Variants in DNAI7 observed in about 807,000 individuals in gnomAD.
The protein encoded by DNAI7 is cancer susceptibility 1.
Under a neutral mutation model 86.6 loss-of-function variants are expected in DNAI7, and 78 were observed. The ratio of observed to expected loss-of-function variants is 0.90; its 90% CI spans 0.75 to 1.09. The LOEUF (loss-of-function observed/expected upper bound fraction) is 1.09, where lower values mean the gene tolerates loss of function less well. Ranked by LOEUF, DNAI7 falls within the 50% of genes least tolerant of loss-of-function variation. DNAI7 has a pLI of 0.00. For missense variants in DNAI7, 753 were observed against 810.2 expected (o/e 0.93, Z 0.86); for synonymous variants, 274 against 273.0 (o/e 1.00, Z -0.04).
chr12:25,183,271 T>C (rs1157556474), intron 2 of DNAI7, among the ~76,000 whole-genome samples: 1 of 151,882 alleles, frequency 6.6e-6, no homozygotes, highest in Non-Finnish European at 1.5e-5. Context: ...AAACTACGTA[T>C]TGGGACTAAG....
chr12:25,108,086 C>A, downstream of DNAI7: 1 of 1,601,042 alleles, frequency 6.2e-7, no homozygotes, highest in East Asian at 2.2e-5. Context: ...ATATATGGAT[C>A]TTGATTTTTA....
At chr12:25,185,643 A>G in intron 2 of DNAI7, 1,818 of 198,676 alleles carry the variant, frequency 9.2e-3, no homozygotes, top group Non-Finnish European at 0.015. Context: ...AATTGATTTA[A>G]TTCCCTCATA....
At position 25,111,870 on chromosome 12, in the gene DNAI7, A is replaced by C; in HGVS notation, c.1681T>G (p.Trp561Gly). ...ATAATGAAAGGAATAGGAGTCATCC[A>C]GGTTCCTTCCAAAATAGAGATGTGT... ...KKHISILEGT[W>G]MTPIPFIIAL... Residue 561 changes from tryptophan (W) to glycine (G), a missense_variant, in exon 14 of 16, where the codon TGG becomes GGG. Trp to Gly is a radical substitution (Grantham distance 184). Transcript: ENST00000395987. The C allele has an allele frequency of 1.2e-6, 2 of 1,607,128 alleles. No homozygotes were observed. Among genetic ancestry groups the C allele is most frequent in the Admixed American group, 3.4e-5 (2 of 59,352 alleles).
Position 25,154,354 on chromosome 12 carries a change from C to G in DNAI7, c.403G>C (p.Glu135Gln), listed in dbSNP as rs1167758064. The G allele has an allele frequency of 3.7e-6, 6 of 1,610,750 alleles. No individual in the cohort carries two copies. The South Asian group carries it at 6.7e-5, about 18-fold the overall frequency. ...LWKEKTNETF[E>Q]EVIEKSKVVL... ...ACTTTACTCTTCTCAATCACTTCCT[C>G]AAAAGTCTCATTTGTTTTCTCTTTC... Residue 135 changes from glutamate to glutamine, a missense_variant, in exon 6 of 16, where the codon GAG becomes CAG. Coordinates refer to ENST00000395987, the MANE Select transcript of DNAI7 (RefSeq NM_018272.5).
intron 11 of DNAI7, among the ~76,000 whole-genome samples, chr12:25,121,098 A>G (rs991718618): frequency 6.6e-6 from 1 of 152,218 alleles, no homozygotes; most frequent in Admixed American, 6.5e-5. Context: ...TATTTTTCCA[A>G]AACAGATTGT....
At chr12:25,123,024 AAG>A (rs762342994) in intron 10 of DNAI7, among the ~76,000 whole-genome samples, 185 bp downstream of exon 10, 12 of 152,222 alleles carry the variant, frequency 7.9e-5, no homozygotes, top group Non-Finnish European at 1.6e-4. Context: ...ATTAGAAATT[AAG>A]AGAGACAGGG....
In DNAI7 at chr12:25,119,118, T is replaced by C. The variant is rs768836645; in HGVS notation, c.1396+27A>G. 4 of 1,560,584 alleles carry C rather than the reference T, an allele frequency of 2.6e-6. No homozygotes were observed. In the East Asian group the frequency reaches 9.0e-5, roughly 35 times the overall value. On this transcript the variant is annotated intron_variant, in intron 12 of 15. Transcript: ENST00000395987. The stretch of plus-strand genomic sequence containing the variant: ...AAGGGTTTTTATGATTATCCCTCCT[T>C]TTATTACATAATTATAAAAGCTGTA...
intron 9 of DNAI7, among the ~76,000 whole-genome samples, chr12:25,142,367 G>T (rs1296005071): frequency 1.3e-5 from 2 of 152,178 alleles, no homozygotes; most frequent in East Asian, 3.9e-4. Flanking sequence ...GGGGGATGAG[G>T]GATAAAAGAC....
intron 9 of DNAI7, among the ~76,000 whole-genome samples, chr12:25,131,382 G>A (rs1942904426): frequency 6.6e-6 from 1 of 152,184 alleles, no homozygotes. Flanking sequence ...TAGTTCTCCT[G>A]TAGCTGTGAT....
intron 2 of DNAI7, 137 bp from the exon 3 acceptor site, chr12:25,161,334 A>G (rs575258283): frequency 4.2e-6 from 3 of 714,874 alleles, no homozygotes; most frequent in Non-Finnish European, 7.5e-6. Flanking sequence ...AACAAATAAG[A>G]CTGCCTCTTA....
chr12:25,136,172 A>G, intron 9 of DNAI7, among the ~76,000 whole-genome samples: 1 of 152,066 alleles, frequency 6.6e-6, no homozygotes, highest in Non-Finnish European at 1.5e-5. Context: ...TTCCCCTGCT[A>G]CCTCCACTAG....
intron 7 of DNAI7, among the ~76,000 whole-genome samples, chr12:25,148,100 T>C (rs1423862929): frequency 6.6e-6 from 1 of 152,238 alleles, no homozygotes; most frequent in Non-Finnish European, 1.5e-5. Context: ...TAAGTGTGAT[T>C]ATTCCTGCAC....
intron 2 of DNAI7, among the ~76,000 whole-genome samples, chr12:25,184,140 G>A (rs750662129): frequency 9.2e-5 from 14 of 152,134 alleles, no homozygotes; most frequent in Non-Finnish European, 1.9e-4. Context: ...CACATACCAT[G>A]TAATTCACCC....
intron 2 of DNAI7, among the ~76,000 whole-genome samples, chr12:25,189,986 A>T (rs1339694151): frequency 2.3e-5 from 1 of 43,250 alleles, no homozygotes; most frequent in Non-Finnish European, 4.6e-5. Flanking sequence ...TTGGCAACTG[A>T]TTTAAAAAAA....
intron 2 of DNAI7, among the ~76,000 whole-genome samples, chr12:25,182,347 C>CA (rs1172587693): frequency 0.099 from 6,202 of 62,946 alleles, 348 homozygotes; most frequent in East Asian, 0.35. Flanking sequence ...AACTTCATCT[C>CA]AAAAAAAAAA....
intron 1 of DNAI7, among the ~76,000 whole-genome samples, chr12:25,194,207 T>A (rs1349780431): frequency 6.6e-6 from 1 of 152,192 alleles, no homozygotes; most frequent in Non-Finnish European, 1.5e-5. Context: ...CTTCCCTTGT[T>A]TCCCCTCACT....
chr12:25,188,707 T>G (rs1432238756), intron 2 of DNAI7, among the ~76,000 whole-genome samples: 2 of 151,138 alleles, frequency 1.3e-5, no homozygotes, highest in African/African-American at 4.9e-5. Context: ...GTAAGCGATT[T>G]CTTCTCTGGG....
At chr12:25,132,916 T>C (rs1943097545) in intron 9 of DNAI7, among the ~76,000 whole-genome samples, 2 of 140,714 alleles carry the variant, frequency 1.4e-5, no homozygotes, top group Admixed American at 6.9e-5. Context: ...TACGTTGAAA[T>C]ATTTTTCTTA....
At chr12:25,158,350 G>A (rs1427981292) in intron 4 of DNAI7, 122 bp downstream of exon 4, 13 of 701,872 alleles carry the variant, frequency 1.9e-5, no homozygotes, top group Admixed American at 5.7e-5. Flanking sequence ...TCTATGGTAC[G>A]ATTAAGTTCA....
Sources: allele counts gnomAD v4.1 joint callset (sites outside exome capture counted in the v4.1 genomes callset), GRCh38; gene constraint gnomAD v4.1.1; transcripts MANE v1.5; gene names NCBI Gene and HGNC (gene_info 2026-07-23, HGNC 2026-07-21).